The following MYCBP2 variants were observed in gnomAD, a reference collection of about 807,000 sequenced individuals.
MYCBP2 encodes E3 ubiquitin-protein ligase MYCBP2.
MYCBP2 carries 120 observed loss-of-function variants against 525.3 expected under a neutral mutation model. The observed-to-expected ratio is 0.23, with a 90% CI of 0.20 to 0.27. MYCBP2 has a LOEUF of 0.27. Among genes scored for constraint, MYCBP2 ranks in the 10% least tolerant of loss-of-function variants. The probability of loss-of-function intolerance (pLI) is 1.00; values close to 1 mark genes in which losing one functional copy is unlikely to be tolerated. For synonymous variants in MYCBP2, 1,894 were observed against 1,955.8 expected (o/e 0.97, Z 0.83); for missense variants, 4,149 against 5,657.1 (o/e 0.73, Z 8.55).
chr13:77,154,955 GTA>G (rs553959363), intron 46 of MYCBP2, among the ~76,000 whole-genome samples: 17 of 152,092 alleles, frequency 1.1e-4, no homozygotes, highest in African/African-American at 4.1e-4. Flanking sequence ...TATTATGTAT[GTA>G]TGTGTGTATG....
rs1343876739 is a variant in MYCBP2 at position 77,062,707 on chromosome 13, G to T, written c.12673-10C>A. 6.2e-7 allele frequency: 1 copy of T among 1,611,226 alleles called. No homozygotes were observed. The highest frequency in any genetic ancestry group is 8.5e-7 in the Non-Finnish European group (1 of 1,177,588). ...CGAGAGCAAGCCAGAGCTGTTGAAA[G>T]GGAAGGCTGTTACACCACTGAATTT... is the stretch of plus-strand genomic sequence containing the variant. On this transcript the variant is annotated splice_polypyrimidine_tract_variant and intron_variant, in intron 73 of 82. Coordinates refer to ENST00000544440, the MANE Select transcript of MYCBP2 (RefSeq NM_015057.5).
At chr13:77,171,761 A>G in intron 37 of MYCBP2, 127 bp from the exon 38 acceptor site, 1 of 875,240 alleles carries the variant, frequency 1.1e-6, no homozygotes, top group Non-Finnish European at 1.7e-6. Context: ...AAAAGTAAAC[A>G]TGCAACTATA....
At chr13:77,235,424 A>G (rs1402207431) in intron 17 of MYCBP2, among the ~76,000 whole-genome samples, 3 of 152,114 alleles carry the variant, frequency 2.0e-5, no homozygotes, top group Non-Finnish European at 4.4e-5. Context: ...ATATTAAACA[A>G]TATTGTATAG....
intron 17 of MYCBP2, among the ~76,000 whole-genome samples, chr13:77,237,084 T>C (rs1392557204): frequency 6.6e-6 from 1 of 152,152 alleles, no homozygotes; most frequent in Non-Finnish European, 1.5e-5. Flanking sequence ...AACACTAATA[T>C]GTAGCTCTAA....
intron 29 of MYCBP2, 27 bp downstream of exon 29, chr13:77,190,225 C>T (rs770246424): frequency 1.4e-6 from 2 of 1,414,622 alleles, no homozygotes; most frequent in Admixed American, 3.4e-5. Flanking sequence ...ATAAACCATA[C>T]TAATTCAGTA....
intron 47 of MYCBP2, among the ~76,000 whole-genome samples, chr13:77,148,308 A>G (rs2154191303): frequency 6.6e-6 from 1 of 152,152 alleles, no homozygotes; most frequent in East Asian, 1.9e-4. Flanking sequence ...ATTCACCTAG[A>G]ACTCTAGTTT....
At chr13:77,224,044 C>T (rs1226625189) in intron 20 of MYCBP2, among the ~76,000 whole-genome samples, 1 of 152,188 alleles carries the variant, frequency 6.6e-6, no homozygotes, top group East Asian at 1.9e-4. Context: ...TCAATGACTG[C>T]ATGTTATTAG....
intron 45 of MYCBP2, 52 bp downstream of exon 45, chr13:77,157,885 T>C: frequency 6.9e-7 from 1 of 1,448,576 alleles, no homozygotes; most frequent in Non-Finnish European, 9.4e-7. Flanking sequence ...CTTTCAGAAA[T>C]GAAGAAAGAT....
rs1167099675 is a variant in MYCBP2 at position 77,064,879 on chromosome 13, T to TG, written c.12553-146dup. On this transcript the variant is annotated intron_variant, in intron 72 of 82. Coordinates refer to ENST00000544440, the MANE Select transcript of MYCBP2 (RefSeq NM_015057.5). ...ATTTTAGATTATGGGCACAAACTTT[T>TG]GAACTAAAATTTCTTCGTGATCCTA... 6.3e-6 allele frequency: 4 copies of TG among 635,732 alleles called. No homozygotes were observed. The East Asian group carries it at 1.4e-4, about 22-fold the overall frequency. 39.4% of individuals were successfully genotyped at this position (635,732 alleles called of 1,614,324 possible).
intron 14 of MYCBP2, among the ~76,000 whole-genome samples, chr13:77,251,602 G>T (rs1340931716): frequency 6.6e-6 from 1 of 152,148 alleles, no homozygotes; most frequent in African/African-American, 2.4e-5. Context: ...GTTACCTTCT[G>T]TCAATCATAC....
chr13:77,120,841 G>T (rs1012364713), intron 55 of MYCBP2, among the ~76,000 whole-genome samples: 2 of 151,816 alleles, frequency 1.3e-5, no homozygotes, highest in Non-Finnish European at 2.9e-5. Context: ...ACAACTTTCT[G>T]GTTTTATTAT....
At chr13:77,248,272 T>C (rs1402289330) in intron 15 of MYCBP2, among the ~76,000 whole-genome samples, 1 of 152,022 alleles carries the variant, frequency 6.6e-6, no homozygotes, top group Non-Finnish European at 1.5e-5. Context: ...CTGGACTTCA[T>C]GAAAATTTTA....
At chr13:77,241,113 T>A (rs1244520901) in intron 17 of MYCBP2, among the ~76,000 whole-genome samples, 1 of 149,864 alleles carries the variant, frequency 6.7e-6, no homozygotes, top group Non-Finnish European at 1.5e-5. Context: ...AGTGGAGGAT[T>A]TTTTTTTTAA....
intron 21 of MYCBP2, among the ~76,000 whole-genome samples, chr13:77,216,982 TGAGA>T (rs1308545586): frequency 6.6e-6 from 1 of 152,158 alleles, no homozygotes; most frequent in Non-Finnish European, 1.5e-5. Flanking sequence ...ACTGCGTGTG[TGAGA>T]AAGAGAACAG....
At chr13:77,282,132 C>T (rs2076251059) in intron 3 of MYCBP2, among the ~76,000 whole-genome samples, 1 of 151,958 alleles carries the variant, frequency 6.6e-6, no homozygotes, top group South Asian at 2.1e-4. Flanking sequence ...AATGTGAGGC[C>T]GGGTGTGGTA....
intron 68 of MYCBP2, among the ~76,000 whole-genome samples, chr13:77,071,281 A>G (rs1385605873): frequency 6.6e-6 from 1 of 151,634 alleles, no homozygotes; most frequent in Non-Finnish European, 1.5e-5. Flanking sequence ...GCACACACAC[A>G]CACACACACA....
At chr13:77,115,669 A>G (rs1566585851) in intron 55 of MYCBP2, among the ~76,000 whole-genome samples, 1 of 151,640 alleles carries the variant, frequency 6.6e-6, no homozygotes, top group Non-Finnish European at 1.5e-5. Context: ...AGATAGGTGT[A>G]AAAACTATGA....
intron 63 of MYCBP2, 178 bp from the exon 64 acceptor site, chr13:77,082,171 G>A (rs147689670): frequency 6.5e-5 from 36 of 549,762 alleles, no homozygotes; most frequent in African/African-American, 5.7e-4. Flanking sequence ...GAGAAATAAA[G>A]GTAACTTCTT....
intron 20 of MYCBP2, among the ~76,000 whole-genome samples, chr13:77,219,972 T>G (rs1033316866): frequency 3.3e-5 from 5 of 152,148 alleles, no homozygotes; most frequent in Non-Finnish European, 7.4e-5. Context: ...TTAAGTCAAA[T>G]AGTTCAATAC....
Sources: allele counts gnomAD v4.1 joint callset (sites outside exome capture counted in the v4.1 genomes callset), GRCh38; gene constraint gnomAD v4.1.1; transcripts MANE v1.5; gene names NCBI Gene and HGNC (gene_info 2026-07-23, HGNC 2026-07-21).